Variants in C12orf42 observed in about 807,000 individuals in gnomAD.
C12orf42 encodes chromosome 12 open reading frame 42.
In C12orf42, 25 loss-of-function variants were observed where a neutral mutation model predicts 21.6. That is an observed-to-expected ratio of 1.16 (90% CI 0.84 to 1.62). C12orf42 has a LOEUF of 1.62. C12orf42 is among the 40% of genes most tolerant of loss of function. C12orf42 has a pLI of 0.00. For synonymous variants in C12orf42, 174 were observed against 175.0 expected (o/e 0.99, Z 0.05); for missense variants, 483 against 459.3 (o/e 1.05, Z -0.47).
At chr12:103,394,571 G>T (rs1423665277) in intron 3 of C12orf42, among the ~76,000 whole-genome samples, 1 of 152,156 alleles carries the variant, frequency 6.6e-6, no homozygotes, top group East Asian at 1.9e-4. Context: ...CGCTGATTTG[G>T]TTATGTGTTT....
At chr12:103,472,047 A>ATTTTTTTTTTTTTTTTTTTTTTTTTTTT (rs33994886) in intron 2 of C12orf42, 1 of 84,356 alleles carries the variant, frequency 1.2e-5, no homozygotes, top group Non-Finnish European at 2.1e-5. Flanking sequence ...ATACAACTCA[A>ATTTTTTTTTTTTTTTTTTTTTTTTTTTT]TTTTTTTTTT....
the C12orf42 span, among the ~76,000 whole-genome samples, chr12:103,224,470 G>T: frequency 6.6e-6 from 1 of 152,174 alleles, no homozygotes; most frequent in Non-Finnish European, 1.5e-5. Flanking sequence ...GAACAGGAAA[G>T]AAGGAAATTT....
intron 4 of C12orf42, among the ~76,000 whole-genome samples, chr12:103,348,234 C>A (rs1047140060): frequency 6.6e-6 from 1 of 152,100 alleles, no homozygotes; most frequent in Non-Finnish European, 1.5e-5. Flanking sequence ...ACCTAGAGAT[C>A]TACATGTGAA....
the C12orf42 span, chr12:103,547,881 T>G: frequency 2.0e-5 from 3 of 152,198 alleles, no homozygotes; most frequent in African/African-American, 7.2e-5. Context: ...AGTGCTAGTG[T>G]GGTGTCACAT....
At chr12:103,165,451 A>C in the C12orf42 span, among the ~76,000 whole-genome samples, 1 of 152,224 alleles carries the variant, frequency 6.6e-6, no homozygotes, top group African/African-American at 2.4e-5. Flanking sequence ...GACGAAATTC[A>C]CCTGTGAAGT....
At chr12:103,534,803 G>A in the C12orf42 span, among the ~76,000 whole-genome samples, 1 of 152,186 alleles carries the variant, frequency 6.6e-6, no homozygotes, top group Non-Finnish European at 1.5e-5. Flanking sequence ...AACAGCCTGG[G>A]AAGACAGAAA....
At chr12:103,154,106 G>A in the C12orf42 span, among the ~76,000 whole-genome samples, 6 of 147,988 alleles carry the variant, frequency 4.1e-5, no homozygotes, top group East Asian at 2.0e-4. Flanking sequence ...TTCCATTTTC[G>A]TAAAAAGTAA....
Position 103,431,576 on chromosome 12 carries a change from T to C in C12orf42, c.79-29901A>G, listed in dbSNP as rs1220695638. ...AAAGGGGAAATGGTACTGATAGTAATAATGAAAGTCAACTATGAGGGTCAT... is the reference window on the plus strand; with the variant it reads ...AAAGGGGAAATGGTACTGATAGTAACAATGAAAGTCAACTATGAGGGTCAT... On this transcript the variant is annotated intron_variant, in intron 2 of 5. Transcript: ENST00000548883. Among the ~76,000 whole-genome samples the C allele has an allele frequency of 2.6e-5, 4 of 152,294 alleles. No individual in the cohort carries two copies. The South Asian group carries it at 6.2e-4, about 24-fold the overall frequency.
the C12orf42 span, among the ~76,000 whole-genome samples, chr12:103,546,768 G>C: frequency 2.6e-5 from 4 of 152,198 alleles, no homozygotes; most frequent in Admixed American, 2.6e-4. Flanking sequence ...GAAGGAATTT[G>C]AGAAACAGCA....
At chr12:103,175,905 A>G in the C12orf42 span, among the ~76,000 whole-genome samples, 1 of 152,178 alleles carries the variant, frequency 6.6e-6, no homozygotes, top group African/African-American at 2.4e-5. Context: ...TACAGCTGGC[A>G]CATTTCCCCA....
intron 2 of C12orf42, among the ~76,000 whole-genome samples, chr12:103,405,229 C>T (rs546127807): frequency 2.6e-5 from 4 of 152,282 alleles, no homozygotes; most frequent in African/African-American, 7.2e-5. Context: ...AAAACAAAAG[C>T]AGTAAACATA....
the C12orf42 span, among the ~76,000 whole-genome samples, chr12:103,196,026 G>A: frequency 2.0e-5 from 3 of 151,994 alleles, no homozygotes; most frequent in Admixed American, 6.6e-5. Flanking sequence ...ATTGAATCCC[G>A]ACATCATTTA....
intron 2 of C12orf42, among the ~76,000 whole-genome samples, chr12:103,444,373 TA>T (rs2137359314): frequency 6.6e-6 from 1 of 152,222 alleles, no homozygotes; most frequent in Non-Finnish European, 1.5e-5. Flanking sequence ...AAATTTAAAG[TA>T]AAATTAGAAG....
the C12orf42 span, among the ~76,000 whole-genome samples, chr12:103,161,983 T>C: frequency 4.6e-5 from 7 of 152,292 alleles, no homozygotes; most frequent in Admixed American, 3.9e-4. Context: ...TAGAATCTGT[T>C]CCCACAGGTT....
the C12orf42 span, among the ~76,000 whole-genome samples, chr12:103,230,648 A>C: frequency 6.6e-6 from 1 of 152,138 alleles, no homozygotes; most frequent in Non-Finnish European, 1.5e-5. Context: ...CTGGAGAACA[A>C]TGGCCTCTCC....
chr12:103,101,559 T>C, the C12orf42 span, among the ~76,000 whole-genome samples: 1,317 of 152,334 alleles, frequency 8.6e-3, 10 homozygotes, highest in Non-Finnish European at 0.013. Context: ...CCTAAGCTGA[T>C]CACTCCTAAA....
the C12orf42 span, among the ~76,000 whole-genome samples, chr12:103,507,052 TATATATATTTAATATAA>T: frequency 8.0e-5 from 1 of 12,522 alleles, no homozygotes; most frequent in Non-Finnish European, 1.1e-4. Context: ...TTATATAAAA[TATATATATTTAATATAA>T]ATATATATTT....
chr12:103,314,830 C>T (rs1410243852), intron 4 of C12orf42, among the ~76,000 whole-genome samples: 1 of 152,174 alleles, frequency 6.6e-6, no homozygotes, highest in Admixed American at 6.5e-5. Context: ...TTGTGAAGGT[C>T]ACAGCCACAC....
At chr12:103,455,767 T>G (rs567388601) in intron 2 of C12orf42, among the ~76,000 whole-genome samples, 139 of 152,302 alleles carry the variant, frequency 9.1e-4, no homozygotes, top group African/African-American at 2.8e-3. Context: ...AATAAGTATT[T>G]CTGAGATATA....
Sources: gnomAD v4.1 joint callset for allele counts (sites outside exome capture counted in the v4.1 genomes callset) on GRCh38, gnomAD v4.1.1 for gene constraint, MANE v1.5 for transcripts, NCBI Gene and HGNC (gene_info 2026-07-23, HGNC 2026-07-21) for gene names.